BNC2: variants seen among roughly 807,000 people sequenced by gnomAD.
The protein encoded by BNC2 is zinc finger protein basonuclin-2.
In BNC2, 20 loss-of-function variants were observed where a neutral mutation model predicts 76.3. The ratio of observed to expected loss-of-function variants is 0.26; its 90% CI spans 0.18 to 0.38. The LOEUF is 0.38. Ranked by LOEUF, BNC2 falls within the 10% of genes least tolerant of loss-of-function variation. The pLI is 1.00. For missense variants in BNC2, 1,382 were observed against 1,399.8 expected (o/e 0.99, Z 0.20); for synonymous variants, 582 against 514.8 (o/e 1.13, Z -1.77).
At chr9:16,867,628 A>G (rs1819574234) in intron 1 of BNC2, 1 of 152,166 alleles carries the variant, frequency 6.6e-6, no homozygotes, top group Non-Finnish European at 1.5e-5. Flanking sequence ...GTCATCATCT[A>G]TTTTGGACTC....
intron 5 of BNC2, among the ~76,000 whole-genome samples, chr9:16,525,089 G>A (rs1213854814): frequency 2.6e-5 from 4 of 151,378 alleles, no homozygotes; most frequent in Admixed American, 6.6e-5. Flanking sequence ...GGGGGGGAAG[G>A]AGATTGAAAT....
At chr9:16,495,267 GA>G (rs1205194756) in intron 5 of BNC2, among the ~76,000 whole-genome samples, 2 of 151,954 alleles carry the variant, frequency 1.3e-5, no homozygotes, top group African/African-American at 4.8e-5. Context: ...GTAGCAGGAG[GA>G]AAAAAATCAA....
rs938296869 is a variant in BNC2, at chr9:16,870,660, G to A, written c.-12C>T. On this transcript the variant is annotated 5_prime_UTR_variant, in exon 1 of 7. Transcript: ENST00000380672. ...AAACTTCTTACCATCTCGGCATGCT[G>A]GTTGTCAAGTGCAGCCCCCGCCTCT... 14 of 1,610,588 alleles carry A rather than the reference G, an allele frequency of 8.7e-6. No individual in the cohort carries two copies. Among genetic ancestry groups the A allele is most frequent in the African/African-American group, 6.7e-5 (5 of 74,292 alleles).
At chr9:16,609,684 C>G (rs955019693) in intron 3 of BNC2, among the ~76,000 whole-genome samples, 5 of 152,150 alleles carry the variant, frequency 3.3e-5, no homozygotes, top group African/African-American at 9.7e-5. Context: ...ATCTATGGGA[C>G]ATATTTCTAT....
Position 16,513,410 on chromosome 9 carries a change from C to T in BNC2, c.669+39120G>A, listed in dbSNP as rs528963711. Among the ~76,000 whole-genome samples the T allele has an allele frequency of 2.0e-4, 30 of 150,320 alleles. No homozygotes were observed. The South Asian group carries it at 4.8e-3, about 24-fold the overall frequency. ...CAAGCTCTGCCTCCTGGGTTCACACCATTCTCCTGCCTCAGCCTCCCGAGT... is the reference window on the plus strand; with the variant it reads ...CAAGCTCTGCCTCCTGGGTTCACACTATTCTCCTGCCTCAGCCTCCCGAGT... On this transcript the variant is annotated intron_variant, in intron 5 of 6. Coordinates refer to ENST00000380672, the MANE Select transcript of BNC2 (RefSeq NM_017637.6).
chr9:16,667,101 A>ACACACACG (rs1451105406), intron 3 of BNC2, among the ~76,000 whole-genome samples: 14 of 148,880 alleles, frequency 9.4e-5, no homozygotes, highest in East Asian at 3.9e-4. Flanking sequence ...ACACACACAC[A>ACACACACG]CACACACGCA....
At chr9:16,664,803 T>C (rs772196099) in intron 3 of BNC2, among the ~76,000 whole-genome samples, 13 of 152,148 alleles carry the variant, frequency 8.5e-5, no homozygotes, top group Non-Finnish European at 1.2e-4. Context: ...AACGCTGTTC[T>C]GCTCTGGAAT....
chr9:16,818,958 C>G (rs919301343), intron 1 of BNC2, among the ~76,000 whole-genome samples: 1 of 152,166 alleles, frequency 6.6e-6, no homozygotes, highest in Admixed American at 6.5e-5. Context: ...TCTGGCTTCA[C>G]TGGACCTCAG....
At chr9:16,549,544 A>C (rs1433731771) in intron 5 of BNC2, among the ~76,000 whole-genome samples, 1 of 152,234 alleles carries the variant, frequency 6.6e-6, no homozygotes, top group South Asian at 2.1e-4. Flanking sequence ...TTTATAGCCT[A>C]CTTTTACAAA....
chr9:16,784,071 T>C (rs1338117394), intron 1 of BNC2, among the ~76,000 whole-genome samples: 1 of 152,126 alleles, frequency 6.6e-6, no homozygotes, highest in African/African-American at 2.4e-5. Context: ...GAAAAAAAAT[T>C]CCTATTCAAG....
At chr9:16,662,053 G>A (rs1351058628) in intron 3 of BNC2, among the ~76,000 whole-genome samples, 1 of 152,126 alleles carries the variant, frequency 6.6e-6, no homozygotes, top group African/African-American at 2.4e-5. Context: ...TGGGATTTAG[G>A]ACCTTAAAAG....
intron 5 of BNC2, among the ~76,000 whole-genome samples, chr9:16,551,258 G>T (rs534397418): frequency 2.0e-5 from 3 of 152,248 alleles, no homozygotes; most frequent in Non-Finnish European, 2.9e-5. Flanking sequence ...TCTATTCTGA[G>T]AGCAGACAGG....
chr9:16,848,439 C>T (rs932552034), intron 1 of BNC2, among the ~76,000 whole-genome samples: 12 of 152,178 alleles, frequency 7.9e-5, no homozygotes, highest in Admixed American at 2.0e-4. Flanking sequence ...AACAGCTAGA[C>T]GTTATACTCC....
intron 3 of BNC2, among the ~76,000 whole-genome samples, chr9:16,667,523 G>A (rs1046407246): frequency 2.0e-5 from 3 of 152,134 alleles, no homozygotes; most frequent in Non-Finnish European, 4.4e-5. Flanking sequence ...CAAGAAAGTC[G>A]ATTTCCAATT....
chr9:16,787,223 G>C (rs1300384503), intron 1 of BNC2, among the ~76,000 whole-genome samples: 2 of 152,146 alleles, frequency 1.3e-5, no homozygotes, highest in Non-Finnish European at 2.9e-5. Flanking sequence ...CCTGGGCAGG[G>C]GGAAACTAGT....
intron 5 of BNC2, among the ~76,000 whole-genome samples, chr9:16,458,256 G>A (rs11999885): frequency 1.3e-4 from 20 of 152,232 alleles, no homozygotes; most frequent in Non-Finnish European, 2.6e-4. Context: ...GCCATCAAAT[G>A]AGTATTTAAT....
At chr9:16,494,256 G>A (rs568480524) in intron 5 of BNC2, among the ~76,000 whole-genome samples, 3 of 152,024 alleles carry the variant, frequency 2.0e-5, no homozygotes, top group Non-Finnish European at 2.9e-5. Flanking sequence ...AGATTCAAGC[G>A]ATTCTCCTGT....
intron 5 of BNC2, among the ~76,000 whole-genome samples, chr9:16,440,278 G>A (rs1248982085): frequency 6.6e-6 from 1 of 152,136 alleles, no homozygotes; most frequent in African/African-American, 2.4e-5. Context: ...ACAGTACTCA[G>A]TGGCTGTCAT....
intron 6 of BNC2, among the ~76,000 whole-genome samples, chr9:16,420,126 G>T (rs1055471233): frequency 6.6e-6 from 1 of 151,762 alleles, no homozygotes; most frequent in African/African-American, 2.4e-5. Context: ...TTTATTTTGA[G>T]GTATAGAAAA....
Sources: gnomAD v4.1 joint callset for allele counts (sites outside exome capture counted in the v4.1 genomes callset) on GRCh38, gnomAD v4.1.1 for gene constraint, MANE v1.5 for transcripts, NCBI Gene and HGNC (gene_info 2026-07-23, HGNC 2026-07-21) for gene names.